The following NOA1 variants were observed in gnomAD, a reference collection of about 807,000 sequenced individuals.
The protein encoded by NOA1 is nitric oxide-associated protein 1.
Under a neutral mutation model 58.4 loss-of-function variants are expected in NOA1, and 35 were observed. The observed-to-expected ratio is 0.60, with a 90% CI of 0.46 to 0.79. The LOEUF (loss-of-function observed/expected upper bound fraction) is 0.79, where lower values mean the gene tolerates loss of function less well. Among genes scored for constraint, NOA1 ranks in the 30% least tolerant of loss-of-function variants. The pLI is 0.00. For missense variants in NOA1, 895 were observed against 894.6 expected (o/e 1.00, Z -0.01); for synonymous variants, 397 against 373.4 (o/e 1.06, Z -0.73).
chr4:56,966,087 C>T (rs550950100), intron 5 of NOA1, among the ~76,000 whole-genome samples: 6 of 136,540 alleles, frequency 4.4e-5, no homozygotes, highest in East Asian at 2.1e-4. Flanking sequence ...AGCGCAGTAG[C>T]GCGATCTTGG....
At position 56,977,190 on chromosome 4, in the gene NOA1, C is replaced by G. The variant is rs991933799; in HGVS notation, c.396G>C (p.Pro132=). ...REHPVVGHPD[P]ALPPSGVNCS... is the part of the protein sequence containing the mutation. ...AGTTCACGCCGCTGGGCGGCAATGC[C>G]GGGTCCGGGTGCCCCACGACCGGGT... Residue 132 remains proline, a synonymous_variant, in exon 1 of 7, where the codon CCG becomes CCC. Transcript: ENST00000264230. The G allele has an allele frequency of 6.4e-7, 1 of 1,565,808 alleles. No individual in the cohort carries two copies. The highest frequency in any genetic ancestry group is 8.6e-7 in the Non-Finnish European group (1 of 1,159,090).
At chr4:56,964,077 T>A (rs1338581943) in intron 6 of NOA1, among the ~76,000 whole-genome samples, 2 of 152,102 alleles carry the variant, frequency 1.3e-5, no homozygotes, top group African/African-American at 4.8e-5. Flanking sequence ...TTTTTGTTTT[T>A]TTTTTTTGAG....
rs1482490806 is a variant in NOA1, at chr4:56,973,347, A to G, written c.1316T>C (p.Val439Ala). ...TTCTGAATACAAGAATGTCCTTCCA[A>G]CTCTTCCTAGAACAAGTTATAGTAA... ...LKKHGYVVGR[V>A]GRTFLYSEEQ... Residue 439 changes from valine (V) to alanine (A), a missense_variant, in exon 3 of 7, where the codon GTT (valine) becomes GCT (alanine). Coordinates refer to ENST00000264230, the MANE Select transcript of NOA1 (RefSeq NM_032313.4). The G allele has an allele frequency of 1.2e-6, 2 of 1,613,448 alleles. No individual in the cohort carries two copies. The highest frequency in any genetic ancestry group is 2.7e-5 in the African/African-American group (2 of 74,850).
rs761137991 is a variant in NOA1, at chr4:56,976,893, C to A, written c.693G>T (p.Leu231=). 4 of 1,612,878 alleles carry A rather than the reference C, an allele frequency of 2.5e-6. No homozygotes were observed. The East Asian group carries it at 8.9e-5, about 36-fold the overall frequency. ...GGCCCACCAGCGCGGGCAAGTCGGG[C>A]AGCAGGGCGTCGGGCAGGTCCAGCA... ...VDLLDLPDAL[L]PDLPALVGPK... The change falls in exon 1 of 7, where the codon CTG becomes CTT. Residue 231 remains leucine (L), a synonymous_variant. Transcript: ENST00000264230.
chr4:56,964,268 T>C, intron 6 of NOA1, 138 bp downstream of exon 6: 2 of 877,594 alleles, frequency 2.3e-6, no homozygotes, highest in Non-Finnish European at 3.5e-6. Flanking sequence ...GGTTTCTCCA[T>C]GTTGGTCAGG....
intron 3 of NOA1, among the ~76,000 whole-genome samples, chr4:56,969,531 C>T (rs1176010149): frequency 6.6e-6 from 1 of 152,114 alleles, no homozygotes; most frequent in African/African-American, 2.4e-5. Context: ...GAGATTGCAC[C>T]ACTGCCCTCC....
chr4:56,975,537 T>TTCCAGACCAGCCTGGC (rs1175415178), intron 1 of NOA1, among the ~76,000 whole-genome samples: 2 of 149,362 alleles, frequency 1.3e-5, no homozygotes. Context: ...AGGCCAAGAG[T>TTCCAGACCAGCCTGGC]TCCAGACCAG....
intron 4 of NOA1, 142 bp downstream of exon 4, chr4:56,968,241 AT>A: frequency 2.2e-6 from 2 of 903,978 alleles, no homozygotes; most frequent in Non-Finnish European, 3.3e-6. Flanking sequence ...TATTACAGAA[AT>A]TTTTAAACAT....
At chr4:56,976,406 C>T in intron 1 of NOA1, 36 bp downstream of exon 1, 1 of 1,575,044 alleles carries the variant, frequency 6.3e-7, no homozygotes, top group Non-Finnish European at 8.7e-7. Context: ...GTCCACCTTG[C>T]CAGGAAACGA....
Position 56,977,541 on chromosome 4 carries a change from AAG to A in NOA1, c.43_44del (p.Leu15SerfsTer40), listed in dbSNP as rs1218387990. ...RLPFRLLSLF[L>X]RGSAPTAARH... ...GCGCTGCCGTGGGAGCGGATCCACG[AAG>A]GAAAAGGCTCAGCAGCCTGAACGGT... On this transcript the variant is annotated frameshift_variant, in exon 1 of 7. Transcript: ENST00000264230. LOFTEE classifies it high-confidence loss of function. 7.4e-6 allele frequency: 12 copies of A among 1,611,556 alleles called. No individual in the cohort carries two copies. The highest frequency in any genetic ancestry group is 8.5e-6 in the Non-Finnish European group (10 of 1,179,184).
intron 1 of NOA1, among the ~76,000 whole-genome samples, chr4:56,975,472 G>T (rs1200202821): frequency 1.3e-5 from 2 of 151,540 alleles, no homozygotes; most frequent in Admixed American, 6.6e-5. Context: ...CTCTACCAAA[G>T]ATACAAAAAT....
In NOA1 at chr4:56,976,448, A is replaced by G; in HGVS notation, c.1138T>C (p.Trp380Arg). ...EAIDRATISP[W>R]PGTTLNLLKF... ...CGAGCCTCCTAAAACTCACCTGGCC[A>G]AGGGGAGATGGTGGCTCTGTCGATG... Residue 380 changes from tryptophan (W) to arginine (R), a missense_variant, in exon 1 of 7, where the codon TGG becomes CGG. Physicochemically the swap from Trp to Arg is moderately radical, Grantham distance 101 (BLOSUM62 -3). Transcript: ENST00000264230. 1.9e-6 allele frequency: 3 copies of G among 1,612,538 alleles called. No homozygotes were observed. The highest frequency in any genetic ancestry group is 2.5e-6 in the Non-Finnish European group (3 of 1,178,706).
chr4:56,972,539 A>T (rs1307974493), intron 3 of NOA1, among the ~76,000 whole-genome samples: 1 of 152,170 alleles, frequency 6.6e-6, no homozygotes, highest in Non-Finnish European at 1.5e-5. Context: ...AGCTCAGTAC[A>T]CTCAATACAA....
At chr4:56,963,872 C>T (rs1042400247) in intron 6 of NOA1, among the ~76,000 whole-genome samples, 5 of 151,948 alleles carry the variant, frequency 3.3e-5, no homozygotes, top group African/African-American at 7.3e-5. Context: ...CTCGGCGTCC[C>T]GAGAAGCTGG....
At chr4:56,976,085 G>A (rs923495384) in intron 1 of NOA1, among the ~76,000 whole-genome samples, 11 of 152,120 alleles carry the variant, frequency 7.2e-5, no homozygotes, top group Non-Finnish European at 1.6e-4. Context: ...AGTTCATTAG[G>A]TTCAGACAGT....
At chr4:56,974,376 G>C (rs1270228217) in intron 1 of NOA1, among the ~76,000 whole-genome samples, 1 of 152,218 alleles carries the variant, frequency 6.6e-6, no homozygotes, top group Non-Finnish European at 1.5e-5. Flanking sequence ...GCCTGGCTGA[G>C]CGTAGTGGCT....
At chr4:56,974,882 A>G (rs893804046) in intron 1 of NOA1, among the ~76,000 whole-genome samples, 3 of 151,318 alleles carry the variant, frequency 2.0e-5, no homozygotes, top group Non-Finnish European at 4.4e-5. Context: ...TTGTATTTTT[A>G]GTAGACATGG....
chr4:56,968,646 T>C lies in NOA1; in HGVS notation c.1516-131A>G, dbSNP rs889389826. ...AAATAAACCAAATTATGTCAGAGTT[T>C]GCTATGCATCAAATTTATATAGATT... On this transcript the variant is annotated intron_variant, in intron 3 of 6. Transcript: ENST00000264230. 51 of 683,018 alleles carry C rather than the reference T, an allele frequency of 7.5e-5. 1 individual carries two copies. In the Middle Eastern group the frequency reaches 1.2e-3, roughly 16 times the overall value. 42.3% of individuals were successfully genotyped at this position (683,018 alleles called of 1,614,324 possible). A position where few individuals can be genotyped will look rare whatever the true frequency, so the allele number is the denominator to read the frequency against.
rs532216266 is a variant in NOA1, at chr4:56,966,709, C to T, written c.1675G>A (p.Val559Met). ...TGCACAGGGAGGATGTTGGAAGCCA[C>T]GACTGTAAACCAAGCTGACTGATTT... is the stretch of plus-strand genomic sequence containing the variant. ...QGNQSAWFTV[V>M]ASNILPVHIT... Residue 559 changes from valine to methionine, a missense_variant, in exon 5 of 7, where the codon GTG becomes ATG. This residue lies in a region of NOA1 where 212 missense variants were observed against 221.3 expected (regional missense o/e 0.96). Coordinates refer to ENST00000264230, the MANE Select transcript of NOA1 (RefSeq NM_032313.4). The T allele has an allele frequency of 4.5e-5, 72 of 1,612,992 alleles. No individual in the cohort carries two copies. The highest frequency in any genetic ancestry group is 3.7e-4 in the South Asian group (34 of 91,048).
Sources: gnomAD v4.1 joint callset for allele counts (sites outside exome capture counted in the v4.1 genomes callset) on GRCh38, gnomAD v4.1.1 for gene constraint, gnomAD v4.1.1 regional missense constraint, MANE v1.5 for transcripts, NCBI Gene and HGNC (gene_info 2026-07-23, HGNC 2026-07-21) for gene names.